The following TNRC6B variants were observed in gnomAD, a reference collection of about 807,000 sequenced individuals.
TNRC6B encodes the protein trinucleotide repeat-containing gene 6B protein.
Under a neutral mutation model 203.6 loss-of-function variants are expected in TNRC6B, and 52 were observed. That is an observed-to-expected ratio of 0.26 (90% CI 0.20 to 0.32). The LOEUF is 0.32. Among genes scored for constraint, TNRC6B ranks in the 10% least tolerant of loss-of-function variants. The pLI is 1.00. For synonymous variants in TNRC6B, 838 were observed against 845.7 expected (o/e 0.99, Z 0.16); for missense variants, 1,923 against 2,286.2 (o/e 0.84, Z 3.24).
chr22:40,179,431 C>T (rs1411424694), intron 1 of TNRC6B, among the ~76,000 whole-genome samples: 2 of 152,118 alleles, frequency 1.3e-5, no homozygotes, highest in African/African-American at 2.4e-5. Context: ...TTGTATCCTC[C>T]TGATTTATGC....
intron 3 of TNRC6B, among the ~76,000 whole-genome samples, chr22:40,129,649 T>TA (rs1356799879): frequency 1.3e-5 from 2 of 152,074 alleles, no homozygotes; most frequent in African/African-American, 4.8e-5. Context: ...AAGAACTAAT[T>TA]AAAGAGAAAG....
intron 1 of TNRC6B, among the ~76,000 whole-genome samples, chr22:40,066,896 T>C (rs118083798): frequency 0.018 from 2,664 of 151,580 alleles, 38 homozygotes; most frequent in Middle Eastern, 0.027. Flanking sequence ...CTTTTCTTTT[T>C]TTTTTTTTTC....
intron 12 of TNRC6B, among the ~76,000 whole-genome samples, chr22:40,294,873 C>T (rs768312307): frequency 3.3e-5 from 5 of 152,188 alleles, no homozygotes; most frequent in Admixed American, 6.5e-5. Flanking sequence ...TCCTCATGCT[C>T]GCCCTAAAAC....
At chr22:40,233,452 T>C (rs1204706660) in intron 1 of TNRC6B, among the ~76,000 whole-genome samples, 1 of 151,742 alleles carries the variant, frequency 6.6e-6, no homozygotes. Context: ...CAAAACCCCG[T>C]CTCTACTAAA....
chr22:40,293,663 C>T (rs2070899052), intron 12 of TNRC6B, among the ~76,000 whole-genome samples: 1 of 151,992 alleles, frequency 6.6e-6, no homozygotes, highest in African/African-American at 2.4e-5. Context: ...GGTTCTTGCC[C>T]TGTTACTGTG....
intron 1 of TNRC6B, among the ~76,000 whole-genome samples, chr22:40,189,466 T>C (rs1161484979): frequency 6.7e-6 from 1 of 150,356 alleles, no homozygotes; most frequent in Non-Finnish European, 1.5e-5. Flanking sequence ...CATTTCCCGC[T>C]GTTTGTTGGG....
chr22:40,255,401 G>A (rs911008415), intron 3 of TNRC6B, among the ~76,000 whole-genome samples: 1 of 152,200 alleles, frequency 6.6e-6, no homozygotes, highest in African/African-American at 2.4e-5. Flanking sequence ...AGAAGGCATA[G>A]TACAGTGAGT....
intron 1 of TNRC6B, among the ~76,000 whole-genome samples, chr22:40,100,736 A>T (rs2068232295): frequency 6.6e-6 from 1 of 152,132 alleles, no homozygotes; most frequent in Non-Finnish European, 1.5e-5. Context: ...TTTGGTATAC[A>T]CCAAAGGTCT....
At chr22:40,138,138 A>G (rs1460328004) in intron 3 of TNRC6B, among the ~76,000 whole-genome samples, 3 of 152,200 alleles carry the variant, frequency 2.0e-5, no homozygotes, top group Non-Finnish European at 4.4e-5. Flanking sequence ...AGTGGTCTGC[A>G]GAGGAGGGGA....
chr22:40,056,681 C>T (rs1011213328), intron 1 of TNRC6B, among the ~76,000 whole-genome samples: 1 of 151,688 alleles, frequency 6.6e-6, no homozygotes, highest in Admixed American at 6.6e-5. Context: ...GCCTGTAGTC[C>T]TAGCTACTCA....
intron 3 of TNRC6B, among the ~76,000 whole-genome samples, chr22:40,145,843 A>G (rs2146342513): frequency 6.6e-6 from 1 of 152,156 alleles, no homozygotes; most frequent in South Asian, 2.1e-4. Context: ...TTTGTCTCAA[A>G]AAAAAAAGCA....
intron 1 of TNRC6B, among the ~76,000 whole-genome samples, chr22:40,100,862 C>T (rs941609969): frequency 3.3e-5 from 5 of 152,186 alleles, no homozygotes; most frequent in African/African-American, 1.2e-4. Flanking sequence ...GTCAGTAACA[C>T]CTAGAGATAG....
chr22:40,268,174 G>T (rs536578796), intron 5 of TNRC6B, among the ~76,000 whole-genome samples: 1 of 152,026 alleles, frequency 6.6e-6, no homozygotes, highest in African/African-American at 2.4e-5. Context: ...TATAACCTCC[G>T]TGCCAAGTTC....
chr22:40,151,711 A>G (rs1304109623), intron 3 of TNRC6B, among the ~76,000 whole-genome samples: 1 of 151,968 alleles, frequency 6.6e-6, no homozygotes, highest in Non-Finnish European at 1.5e-5. Flanking sequence ...GAAATTGTAC[A>G]TATGTTAAAA....
At position 40,177,969 on chromosome 22, in the gene TNRC6B, A is replaced by C; in HGVS notation, c.-167A>C. The C allele has an allele frequency of 6.9e-7, 1 of 1,459,066 alleles. No homozygotes were observed. The highest frequency in any genetic ancestry group is 2.4e-5 in the East Asian group (1 of 41,056). The allele number at this position is 1,459,066 out of a possible 1,614,324, so 90.4% of individuals were successfully genotyped here. ...GAGAGCAAGAGGGAGAGTGTGTGAGAGAGAGTTAGTTCAAGCCAAAATGGC... is the reference window on the plus strand; with the variant it reads ...GAGAGCAAGAGGGAGAGTGTGTGAGCGAGAGTTAGTTCAAGCCAAAATGGC... On this transcript the variant is annotated 5_prime_UTR_variant, in exon 1 of 23. Coordinates refer to ENST00000454349, the MANE Select transcript of TNRC6B (RefSeq NM_001162501.2).
intron 4 of TNRC6B, among the ~76,000 whole-genome samples, chr22:40,161,846 T>C (rs1011552906): frequency 1.4e-4 from 21 of 152,248 alleles, no homozygotes; most frequent in African/African-American, 5.1e-4. Flanking sequence ...TTTATTGCCA[T>C]ATAATTACTA....
chr22:40,076,643 T>G (rs1304484019), intron 1 of TNRC6B, among the ~76,000 whole-genome samples: 1 of 152,148 alleles, frequency 6.6e-6, no homozygotes, highest in African/African-American at 2.4e-5. Flanking sequence ...CCTCAAGCAG[T>G]CTTCCCACCT....
At chr22:40,080,611 C>T (rs56956530) in intron 1 of TNRC6B, among the ~76,000 whole-genome samples, 3,563 of 152,218 alleles carry the variant, frequency 0.023, 126 homozygotes, top group African/African-American at 0.081. Context: ...TATCCAACTT[C>T]AAATTCTCAC....
chr22:40,186,025 G>C lies in TNRC6B; in HGVS notation c.5+7885G>C, dbSNP rs986928350. ...AGCTGGCAGTGTGGATCTGCAGCTT[G>C]AGAAAGAGGTCAGAAGTGGAGATAA... On this transcript the variant is annotated intron_variant, in intron 1 of 22. Coordinates refer to ENST00000454349, the MANE Select transcript of TNRC6B (RefSeq NM_001162501.2). 5.3e-5 allele frequency among the ~76,000 whole-genome samples: 8 copies of C among 151,892 alleles called. No individual in the cohort carries two copies. The South Asian group carries it at 1.0e-3, about 20-fold the overall frequency.
Sources: gnomAD v4.1 joint callset for allele counts (sites outside exome capture counted in the v4.1 genomes callset) on GRCh38, gnomAD v4.1.1 for gene constraint, MANE v1.5 for transcripts, NCBI Gene and HGNC (gene_info 2026-07-23, HGNC 2026-07-21) for gene names.